The following POLN variants were observed in gnomAD, a reference collection of about 807,000 sequenced individuals.
POLN encodes DNA polymerase N.
POLN carries 108 observed loss-of-function variants against 113.5 expected under a neutral mutation model. The ratio of observed to expected loss-of-function variants is 0.95; its 90% confidence interval spans 0.81 to 1.12. POLN has a LOEUF of 1.12. Among genes scored for constraint, POLN ranks in the 50% most tolerant of loss-of-function variants. The pLI, the probability that POLN is intolerant of heterozygous loss-of-function variation, is 0.00. For missense variants in POLN, 1,097 were observed against 1,077.1 expected (o/e 1.02, Z -0.26); for synonymous variants, 386 against 391.5 (o/e 0.99, Z 0.17).
chr4:2,179,917 C>G (rs1359155164), intron 7 of POLN, among the ~76,000 whole-genome samples: 1 of 152,218 alleles, frequency 6.6e-6, no homozygotes, highest in Admixed American at 6.5e-5. Flanking sequence ...GGAATCCAAG[C>G]CTCTCGAGCA....
rs559632390 is a variant in POLN at position 2,097,491 on chromosome 4, C to T, written c.1983-1558G>A. ...TCAGCCTCCTGTGTAGCTGGGATTA[C>T]AGGCACCTGCCACCATGCCCAGCTA... On this transcript the variant is annotated intron_variant, in intron 19 of 25. Coordinates refer to ENST00000511885, the MANE Select transcript of POLN (RefSeq NM_181808.4). Among the ~76,000 whole-genome samples, 7 of 152,232 alleles carry T rather than the reference C, an allele frequency of 4.6e-5. 1 individual carries two copies. Among genetic ancestry groups the T allele is most frequent in the African/African-American group, 1.7e-4 (7 of 41,534 alleles).
At position 2,093,569 on chromosome 4, in the gene POLN, G is replaced by A. The variant is rs1333417965; in HGVS notation, c.2065+2282C>T. ...GGACTGGGGAGGTGATGTCCTGCCGGCAGAGCAGAAGCAAATGTTATGTTT... is the reference window on the plus strand; with the variant it reads ...GGACTGGGGAGGTGATGTCCTGCCGACAGAGCAGAAGCAAATGTTATGTTT... On this transcript the variant is annotated intron_variant, in intron 20 of 25. Coordinates refer to ENST00000511885, the MANE Select transcript of POLN (RefSeq NM_181808.4). The surrounding 1 kb of genome is among the most constrained non-coding windows in gnomAD (Gnocchi z 4.1). Among the ~76,000 whole-genome samples, 1 of 152,218 alleles carries A rather than the reference G, an allele frequency of 6.6e-6. No homozygotes were observed. The highest frequency in any genetic ancestry group is 1.5e-5 in the Non-Finnish European group (1 of 68,046).
chr4:2,081,142 T>C, intron 22 of POLN, 106 bp from the exon 23 acceptor site: 1 of 1,601,836 alleles, frequency 6.2e-7, no homozygotes, highest in Non-Finnish European at 8.5e-7. Context: ...CACACAGAGG[T>C]GCTGGCTCTG....
rs186161361 is a variant in POLN at position 2,090,331 on chromosome 4, C to T, written c.2066-4587G>A. On this transcript the variant is annotated intron_variant, in intron 20 of 25. Transcript: ENST00000511885. Reference sequence around the variant, plus strand: ...GATTCAATCAATATTTCATCTGGCACAGCATCTCCAAGTACTTTCTCTCAT... The same window carrying T: ...GATTCAATCAATATTTCATCTGGCATAGCATCTCCAAGTACTTTCTCTCAT... 50 of 798,490 alleles carry T rather than the reference C, an allele frequency of 6.3e-5. No homozygotes were observed. In the Admixed American group the frequency reaches 1.2e-3, roughly 19 times the overall value. 49.5% of individuals were successfully genotyped at this position (798,490 alleles called of 1,614,324 possible).
At chr4:2,234,728 AG>A (rs1481810523) in intron 2 of POLN, among the ~76,000 whole-genome samples, 1 of 152,236 alleles carries the variant, frequency 6.6e-6, no homozygotes, top group Non-Finnish European at 1.5e-5. Context: ...CAAGAGAAAA[AG>A]CATCACCAGG....
chr4:2,185,535 CA>C (rs920340836), intron 7 of POLN, among the ~76,000 whole-genome samples: 1 of 152,206 alleles, frequency 6.6e-6, no homozygotes, highest in Admixed American at 6.5e-5. Context: ...TACTTGAGGT[CA>C]GGAGTTCGAG....
At position 2,208,085 on chromosome 4, in the gene POLN, A is replaced by T; in HGVS notation, c.616T>A (p.Trp206Arg). ...HFCDIRHLDDWAKSQLIEMLK... is the reference protein window; with the variant it reads ...HFCDIRHLDDRAKSQLIEMLK... ...ATTTCAATCAGCTGGCTTTTTGCCC[A>T]ATCATCCAAATGCCTAATATCACAA... Residue 206 changes from tryptophan to arginine, a missense_variant, in exon 5 of 26, where the codon TGG (tryptophan) becomes AGG (arginine). Physicochemically the swap from Trp to Arg is moderately radical, Grantham distance 101. Transcript: ENST00000511885. 2 of 1,614,204 alleles carry T rather than the reference A, an allele frequency of 1.2e-6. No homozygotes were observed. The highest frequency in any genetic ancestry group is 1.7e-6 in the Non-Finnish European group (2 of 1,180,026).
intron 24 of POLN, 106 bp from the exon 25 acceptor site, chr4:2,073,135 C>G (rs1730192799): frequency 1.8e-6 from 2 of 1,097,998 alleles, no homozygotes; most frequent in Non-Finnish European, 2.7e-6. Flanking sequence ...GGCCCCTGAG[C>G]CCCCTTGTTT....
Position 2,156,819 on chromosome 4 carries a change from G to T in POLN, c.1700C>A (p.Thr567Asn), listed in dbSNP as rs1369321006. 1 of 1,613,342 alleles carries T rather than the reference G, an allele frequency of 6.2e-7. No homozygotes were observed. Among genetic ancestry groups the T allele is most frequent in the East Asian group, 2.2e-5 (1 of 44,888 alleles). Reference protein sequence around the residue: ...SISSTWNQTGTVTGRLSAKHP... With the variant: ...SISSTWNQTGNVTGRLSAKHP... The stretch of plus-strand genomic sequence containing the variant: ...CTTGGCTGAAAGTCTTCCAGTCACA[G>T]TTCCAGTCTGATTCCATGTAGAGGA... The change falls in exon 16 of 26, where the codon ACT becomes AAT. Residue 567 changes from threonine (T) to asparagine (N), a missense_variant. Coordinates refer to ENST00000511885, the MANE Select transcript of POLN (RefSeq NM_181808.4).
intron 20 of POLN, among the ~76,000 whole-genome samples, chr4:2,088,016 C>T (rs1187626093): frequency 6.6e-6 from 1 of 152,026 alleles, no homozygotes; most frequent in Non-Finnish European, 1.5e-5. Context: ...TTTTTGTTTA[C>T]ACTTTTTATA....
At chr4:2,212,992 TCTATTGAACAAATAA>T (rs1734029410) in intron 4 of POLN, 40 bp downstream of exon 4, 1 of 1,237,258 alleles carries the variant, frequency 8.1e-7, no homozygotes, top group African/African-American at 1.5e-5. Flanking sequence ...TTAATAAGCA[TCTATTGAACAAATAA>T]GTTATCTATT....
At chr4:2,196,539 C>T (rs1186220040) in intron 6 of POLN, among the ~76,000 whole-genome samples, 1 of 151,764 alleles carries the variant, frequency 6.6e-6, no homozygotes, top group Non-Finnish European at 1.5e-5. Flanking sequence ...CTGATCCCAA[C>T]AAGTCAACTG....
intron 19 of POLN, among the ~76,000 whole-genome samples, chr4:2,123,443 T>C (rs1022861288): frequency 1.3e-5 from 2 of 151,594 alleles, no homozygotes; most frequent in South Asian, 2.1e-4. Flanking sequence ...CTGGCCAACA[T>C]AGTGGAACCC....
At position 2,084,878 on chromosome 4, in the gene POLN, C is replaced by CAG. The variant is rs1351973400; in HGVS notation, c.2197+734_2197+735insCT. 2.0e-5 allele frequency among the ~76,000 whole-genome samples: 3 copies of CAG among 152,222 alleles called. No individual in the cohort carries two copies. The East Asian group carries it at 5.8e-4, about 29-fold the overall frequency. On this transcript the variant is annotated intron_variant, in intron 21 of 25. Coordinates refer to ENST00000511885, the MANE Select transcript of POLN (RefSeq NM_181808.4). ...TCTTTGTTGTTGATTTCATTAATTTCTGCTCTCCCACTGATTTCTTCCTTT... is the reference window on the plus strand; with the variant it reads ...TCTTTGTTGTTGATTTCATTAATTTCAGTGCTCTCCCACTGATTTCTTCCTTT...
At chr4:2,204,911 C>T (rs943396962) in intron 5 of POLN, among the ~76,000 whole-genome samples, 3 of 152,158 alleles carry the variant, frequency 2.0e-5, no homozygotes, top group Admixed American at 2.0e-4. Context: ...TTAAAACTCT[C>T]AGCACAATTG....
At chr4:2,165,610 C>T (rs570474041) in intron 13 of POLN, among the ~76,000 whole-genome samples, 2 of 151,708 alleles carry the variant, frequency 1.3e-5, no homozygotes, top group East Asian at 1.9e-4. Flanking sequence ...TGGGCGATAA[C>T]GATGTATCAG....
intron 2 of POLN, chr4:2,241,131 G>A: frequency 1.9e-6 from 1 of 518,918 alleles, no homozygotes; most frequent in Non-Finnish European, 3.3e-6. Context: ...CCACAAATAT[G>A]ACGACAGTGT....
chr4:2,078,132 G>A (rs1425915575), intron 23 of POLN, among the ~76,000 whole-genome samples: 2 of 152,276 alleles, frequency 1.3e-5, no homozygotes, highest in African/African-American at 4.8e-5. Flanking sequence ...CATCCTGAGT[G>A]TGGGCGCATG....
At chr4:2,151,862 T>C (rs1010811215) in intron 16 of POLN, among the ~76,000 whole-genome samples, 3 of 152,144 alleles carry the variant, frequency 2.0e-5, no homozygotes, top group Non-Finnish European at 4.4e-5. Flanking sequence ...GACACAAGGA[T>C]ACTTTTGCAC....
Sources: allele counts gnomAD v4.1 joint callset (sites outside exome capture counted in the v4.1 genomes callset), GRCh38; gene constraint gnomAD v4.1.1; non-coding constraint Gnocchi (gnomAD v3.1); transcripts MANE v1.5; gene names NCBI Gene and HGNC (gene_info 2026-07-23, HGNC 2026-07-21).